Variants in LRRC4C observed in about 807,000 individuals in gnomAD.
The protein encoded by LRRC4C is leucine rich repeat containing 4C.
LRRC4C carries 5 observed loss-of-function variants against 33.6 expected under a neutral mutation model. That is an observed-to-expected ratio of 0.15 (90% CI 0.08 to 0.31). The LOEUF (loss-of-function observed/expected upper bound fraction) is 0.31, where lower values mean the gene tolerates loss of function less well. Ranked by LOEUF, LRRC4C falls within the 10% of genes least tolerant of loss-of-function variation. The pLI, the probability that LRRC4C is intolerant of heterozygous loss-of-function variation, is 1.00. For missense variants in LRRC4C, 560 were observed against 796.7 expected (o/e 0.70, Z 3.58); for synonymous variants, 329 against 302.0 (o/e 1.09, Z -0.93).
At chr11:40,322,268 C>G (rs572409161) in intron 3 of LRRC4C, among the ~76,000 whole-genome samples, 1 of 151,760 alleles carries the variant, frequency 6.6e-6, no homozygotes, top group Non-Finnish European at 1.5e-5. Context: ...TTTTCTGAGA[C>G]AGAGTCTTAC....
At chr11:40,739,595 A>C (rs2136889940) in intron 2 of LRRC4C, among the ~76,000 whole-genome samples, 1 of 152,154 alleles carries the variant, frequency 6.6e-6, no homozygotes, top group East Asian at 1.9e-4. Context: ...GTAATCCCTA[A>C]GTGTTGAGGG....
chr11:40,335,479 T>C (rs528679954), intron 3 of LRRC4C, among the ~76,000 whole-genome samples: 2 of 152,312 alleles, frequency 1.3e-5, no homozygotes, highest in East Asian at 3.9e-4. Flanking sequence ...AATTAAGACA[T>C]TTAATAAAAC....
At chr11:40,201,756 T>C (rs562113977) in intron 5 of LRRC4C, among the ~76,000 whole-genome samples, 2 of 152,276 alleles carry the variant, frequency 1.3e-5, no homozygotes, top group East Asian at 1.9e-4. Flanking sequence ...GATTTTAGAA[T>C]AGGTGCTTGT....
intron 1 of LRRC4C, among the ~76,000 whole-genome samples, chr11:41,039,010 C>T (rs1169165791): frequency 3.3e-5 from 5 of 152,130 alleles, no homozygotes; most frequent in African/African-American, 9.7e-5. Context: ...TTTGCCAAGG[C>T]TCGATATCAA....
At chr11:41,376,327 C>T (rs936857608) in intron 1 of LRRC4C, among the ~76,000 whole-genome samples, 2 of 152,140 alleles carry the variant, frequency 1.3e-5, no homozygotes, top group Admixed American at 1.3e-4. Flanking sequence ...AAATAACTAG[C>T]AAGTCTGAGA....
intron 2 of LRRC4C, among the ~76,000 whole-genome samples, chr11:40,822,056 A>C (rs966234858): frequency 2.6e-5 from 4 of 151,832 alleles, no homozygotes; most frequent in Middle Eastern, 3.4e-3. Flanking sequence ...ATGCGCAATA[A>C]ATTATTGTTA....
chr11:40,908,692 A>C (rs551445228), intron 2 of LRRC4C, among the ~76,000 whole-genome samples: 47 of 152,308 alleles, frequency 3.1e-4, no homozygotes, highest in African/African-American at 1.0e-3. Context: ...CAGTGGTAAT[A>C]CTTCAAACTA....
chr11:40,126,979 A>G (rs963238084), intron 6 of LRRC4C, among the ~76,000 whole-genome samples: 1 of 151,660 alleles, frequency 6.6e-6, no homozygotes, highest in South Asian at 2.1e-4. Context: ...AAATAAATAA[A>G]AAGAAGAAGA....
chr11:40,945,468 G>C (rs1210770236), intron 1 of LRRC4C, among the ~76,000 whole-genome samples: 1 of 152,046 alleles, frequency 6.6e-6, no homozygotes. Flanking sequence ...TAAATACACT[G>C]TCTATACTCC....
chr11:40,682,786 GAT>G (rs1555143916), intron 2 of LRRC4C, among the ~76,000 whole-genome samples: 1 of 95,294 alleles, frequency 1.0e-5, no homozygotes, highest in Non-Finnish European at 2.6e-5. Context: ...ATAAAATAAA[GAT>G]ATCTCTGTTT....
intron 2 of LRRC4C, among the ~76,000 whole-genome samples, chr11:40,668,361 A>G (rs182432872): frequency 4.9e-4 from 75 of 152,322 alleles, no homozygotes; most frequent in Admixed American, 4.8e-3. Context: ...TGTGTCCTCA[A>G]CCAGTATCTG....
At chr11:41,433,794 CAT>C (rs945056312) in intron 1 of LRRC4C, among the ~76,000 whole-genome samples, 2 of 149,000 alleles carry the variant, frequency 1.3e-5, no homozygotes, top group Non-Finnish European at 3.0e-5. Context: ...AATAAACTCC[CAT>C]ATATATGTGT....
intron 1 of LRRC4C, among the ~76,000 whole-genome samples, chr11:41,434,204 A>C (rs1334035770): frequency 6.6e-6 from 1 of 152,120 alleles, no homozygotes; most frequent in Non-Finnish European, 1.5e-5. Flanking sequence ...AAACACATTA[A>C]AAATTTGGAA....
intron 3 of LRRC4C, among the ~76,000 whole-genome samples, chr11:40,452,041 C>G (rs531063891): frequency 2.4e-4 from 37 of 152,214 alleles, no homozygotes; most frequent in African/African-American, 8.7e-4. Flanking sequence ...ATTCCCTTTC[C>G]TAGCCAAGGA....
chr11:40,947,485 T>C (rs1958457699), intron 1 of LRRC4C, among the ~76,000 whole-genome samples: 1 of 152,282 alleles, frequency 6.6e-6, no homozygotes, highest in Admixed American at 6.5e-5. Context: ...TGCTACCTAT[T>C]ACCTAGTGAA....
intron 1 of LRRC4C, among the ~76,000 whole-genome samples, chr11:40,936,897 G>A (rs991931930): frequency 1.3e-5 from 2 of 152,116 alleles, no homozygotes; most frequent in African/African-American, 2.4e-5. Flanking sequence ...ATAATCTGGA[G>A]TCCATACAGC....
intron 4 of LRRC4C, among the ~76,000 whole-genome samples, chr11:40,295,028 A>C (rs138704544): frequency 1.7e-4 from 26 of 152,272 alleles, no homozygotes; most frequent in African/African-American, 5.5e-4. Context: ...TGTACAAGAC[A>C]TCCAGGACAG....
chr11:41,201,419 T>C (rs1946394032), intron 1 of LRRC4C, among the ~76,000 whole-genome samples: 1 of 152,170 alleles, frequency 6.6e-6, no homozygotes, highest in African/African-American at 2.4e-5. Flanking sequence ...TTCTACAAGG[T>C]TTTCAAAACC....
At chr11:41,109,698 A>T (rs1454277983) in intron 1 of LRRC4C, among the ~76,000 whole-genome samples, 4 of 152,122 alleles carry the variant, frequency 2.6e-5, no homozygotes, top group Non-Finnish European at 5.9e-5. Context: ...TACATTTTAC[A>T]GATTCTAAAA....
Sources: gnomAD v4.1 joint callset for allele counts (sites outside exome capture counted in the v4.1 genomes callset) on GRCh38, gnomAD v4.1.1 for gene constraint, MANE v1.5 for transcripts, NCBI Gene and HGNC (gene_info 2026-07-23, HGNC 2026-07-21) for gene names.